SLC25A23: variants seen among roughly 807,000 people sequenced by gnomAD.
The protein encoded by SLC25A23 is mitochondrial adenyl nucleotide antiporter SLC25A23.
In SLC25A23, 32 loss-of-function variants were observed where a neutral mutation model predicts 53.9. That is an observed-to-expected ratio of 0.59 (90% CI 0.45 to 0.80). The LOEUF (loss-of-function observed/expected upper bound fraction) is 0.80, where lower values mean the gene tolerates loss of function less well. SLC25A23 is among the 30% of genes least tolerant of loss of function. The pLI is 0.00. For missense variants in SLC25A23, 575 were observed against 651.4 expected, an observed-to-expected ratio of 0.88 and a Z score of 1.28; for synonymous variants, 275 against 264.5, an observed-to-expected ratio of 1.04 and a Z score of -0.38.
intron 8 of SLC25A23, among the ~76,000 whole-genome samples, chr19:6,451,573 A>T (rs1250648417): frequency 6.6e-6 from 1 of 152,048 alleles, no homozygotes; most frequent in Non-Finnish European, 1.5e-5. Context: ...GGACCATGCT[A>T]ATTGGGGGAG....
In SLC25A23 at chr19:6,444,144, G is replaced by GCCTC; in HGVS notation, c.1222+3_1222+6dup. On this transcript the variant is annotated splice_region_variant and intron_variant, in intron 9 of 9. Coordinates refer to ENST00000301454, the MANE Select transcript of SLC25A23 (RefSeq NM_024103.3). ...CCCCCTGCCCCATCCTCCCGCCCAGGCCTCACCTTGTGCCTGCATGCGGGT... is the reference window on the plus strand; with the variant it reads ...CCCCCTGCCCCATCCTCCCGCCCAGGCCTCCCTCACCTTGTGCCTGCATGCGGGT... 1 of 1,567,164 alleles carries GCCTC rather than the reference G, an allele frequency of 6.4e-7. No individual in the cohort carries two copies. The highest frequency in any genetic ancestry group is 8.7e-7 in the Non-Finnish European group (1 of 1,152,640).
At chr19:6,444,886 C>T (rs1056847991) in intron 8 of SLC25A23, among the ~76,000 whole-genome samples, 3 of 152,112 alleles carry the variant, frequency 2.0e-5, no homozygotes, top group African/African-American at 7.2e-5. Context: ...CCAGGATGGT[C>T]TCAATCTCCT....
chr19:6,449,255 C>CTTTT (rs57753988), intron 8 of SLC25A23, among the ~76,000 whole-genome samples: 4 of 138,208 alleles, frequency 2.9e-5, no homozygotes, highest in Non-Finnish European at 3.2e-5. Context: ...TTCTTTCTTT[C>CTTTT]TTTTTTTTTT....
At chr19:6,455,714 T>TG (rs2092670567) in intron 4 of SLC25A23, among the ~76,000 whole-genome samples, 1 of 36,910 alleles carries the variant, frequency 2.7e-5, no homozygotes, top group Non-Finnish European at 7.0e-5. Flanking sequence ...CGTGTTTTTT[T>TG]TTTTTTTTTT....
Position 6,454,107 on chromosome 19 carries a change from G to T in SLC25A23, c.796-19C>A. The T allele has an allele frequency of 1.2e-6, 2 of 1,605,318 alleles. No homozygotes were observed. Among genetic ancestry groups the T allele is most frequent in the Non-Finnish European group, 1.7e-6 (2 of 1,174,974 alleles). On this transcript the variant is annotated intron_variant, in intron 6 of 9. Transcript: ENST00000301454. The surrounding 1 kb of genome is among the most constrained non-coding windows in gnomAD (Gnocchi z 4.3). ...TCTTGATCTGAGGCGGGGAGACACA[G>T]GGATGGGTAGGACCATGGGGGTTGA...
Position 6,445,598 on chromosome 19 carries a change from G to A in SLC25A23, c.1072-1297C>T, listed in dbSNP as rs79759790. On this transcript the variant is annotated intron_variant, in intron 8 of 9. Coordinates refer to ENST00000301454, the MANE Select transcript of SLC25A23 (RefSeq NM_024103.3). ...TCCTCCTGGAGCATCCAGAAGGAAC[G>A]CAGCCCTGCCAACATCTCGATTTTA... 5.4e-3 allele frequency among the ~76,000 whole-genome samples: 815 copies of A among 152,244 alleles called. 3 individuals are homozygous for A. Among genetic ancestry groups the A allele is most frequent in the Non-Finnish European group, 8.6e-3 (585 of 68,010 alleles).
intron 8 of SLC25A23, among the ~76,000 whole-genome samples, chr19:6,444,662 A>T (rs906082215): frequency 1.3e-5 from 2 of 151,828 alleles, no homozygotes; most frequent in African/African-American, 4.8e-5. Flanking sequence ...TTCTTTTTTT[A>T]AAAATTATTA....
In SLC25A23 at chr19:6,454,189, A is replaced by G. The variant is rs1479540336; in HGVS notation, c.796-101T>C. 3 of 1,513,734 alleles carry G rather than the reference A, an allele frequency of 2.0e-6. No homozygotes were observed. Among genetic ancestry groups the G allele is most frequent in the Non-Finnish European group, 2.7e-6 (3 of 1,115,366 alleles). The allele number at this position is 1,513,734 out of a possible 1,614,324, so 93.8% of individuals were successfully genotyped here. On this transcript the variant is annotated intron_variant, in intron 6 of 9. Coordinates refer to ENST00000301454, the MANE Select transcript of SLC25A23 (RefSeq NM_024103.3). This position sits in a 1 kb window ranked among gnomAD's most constrained non-coding sequence, Gnocchi z 4.3. The stretch of plus-strand genomic sequence containing the variant: ...TCCAAAGAACTGGCTTGCTGCAGGC[A>G]TTCATGCAGAGGAGCAGATGCCTGA...
Position 6,458,276 on chromosome 19 carries a change from C to G in SLC25A23, c.205G>C (p.Glu69Gln). ...TCCTGCAGATAGCGGGAAAATTCCT[C>G]CAGGTCGAGCCCGCCATCTGGGTCA... ...DADPDGGLDLEEFSRYLQERE... is the reference protein window; with the variant it reads ...DADPDGGLDLQEFSRYLQERE... The change falls in exon 2 of 10, where the codon GAG becomes CAG. Residue 69 changes from glutamate (E) to glutamine (Q), a missense_variant. By Grantham distance (29) the Glu-to-Gln change is conservative. Transcript: ENST00000301454. The G allele has an allele frequency of 6.2e-7, 1 of 1,613,502 alleles. No homozygotes were observed. Among genetic ancestry groups the G allele is most frequent in the Non-Finnish European group, 8.5e-7 (1 of 1,179,978 alleles).
At chr19:6,447,457 C>T (rs2092523230) in intron 8 of SLC25A23, among the ~76,000 whole-genome samples, 2 of 151,924 alleles carry the variant, frequency 1.3e-5, no homozygotes, top group African/African-American at 4.8e-5. Context: ...TGTGCACCAC[C>T]ACACCCGGCT....
At position 6,442,032 on chromosome 19, in the gene SLC25A23, G is replaced by A; in HGVS notation, c.1350C>T (p.Ser450=). The A allele has an allele frequency of 1.2e-6, 2 of 1,613,906 alleles. No individual in the cohort carries two copies. Among genetic ancestry groups the A allele is most frequent in the Non-Finnish European group, 1.7e-6 (2 of 1,179,906 alleles). ...PNFMKVIPAV[S]ISYVVYENMK... ...TGTTCTCGTAGACCACATAGGAGAT[G>A]CTCACAGCTGGAATAACCTTCATGA... Residue 450 remains serine (S), a synonymous_variant, in exon 10 of 10, where the codon AGC becomes AGT. Coordinates refer to ENST00000301454, the MANE Select transcript of SLC25A23 (RefSeq NM_024103.3).
chr19:6,442,518 C>A (rs973650361), intron 9 of SLC25A23, among the ~76,000 whole-genome samples: 3 of 152,100 alleles, frequency 2.0e-5, no homozygotes, highest in Non-Finnish European at 4.4e-5. Flanking sequence ...CCTTGGTGCT[C>A]CAGTCTAAGT....
chr19:6,452,699 C>G, intron 7 of SLC25A23: 1 of 493,206 alleles, frequency 2.0e-6, no homozygotes, highest in Non-Finnish European at 3.5e-6. Context: ...CAGTAACTGT[C>G]TCCTGATATC....
In SLC25A23 at chr19:6,459,474, T is replaced by A. The variant is rs749883136; in HGVS notation, c.155A>T (p.Gln52Leu). Residue 52 changes from glutamine (Q) to leucine (L), a missense_variant and splice_region_variant, in exon 1 of 10, where the codon CAG (glutamine) becomes CTG (leucine). By Grantham distance (113) the Gln-to-Leu change is moderately radical (BLOSUM62 -2). Coordinates refer to ENST00000301454, the MANE Select transcript of SLC25A23 (RefSeq NM_024103.3). This position sits in a 1 kb window ranked among gnomAD's most constrained non-coding sequence, Gnocchi z 4.6. ...GGGNPDPGAQ[Q>L]GISSEGDADP... is the part of the protein sequence containing the mutation. ...GGAGGTCCCTGGGGGTGGGGGTACC[T>A]GTTGGGCGCCGGGGTCTGGGTTGCC... 4 of 1,587,272 alleles carry A rather than the reference T, an allele frequency of 2.5e-6. No individual in the cohort carries two copies. The highest frequency in any genetic ancestry group is 3.4e-6 in the Non-Finnish European group (4 of 1,173,780).
chr19:6,458,179 G>T lies in SLC25A23; in HGVS notation c.283+19C>A. On this transcript the variant is annotated intron_variant, in intron 2 of 9. Coordinates refer to ENST00000301454, the MANE Select transcript of SLC25A23 (RefSeq NM_024103.3). ...CAGCCCTATCCCTTGGGGCCTGCAG[G>T]CAGGTCGCCCGACCTTACCATCCTG... 1 of 1,611,994 alleles carries T rather than the reference G, an allele frequency of 6.2e-7. No homozygotes were observed. The highest frequency in any genetic ancestry group is 8.5e-7 in the Non-Finnish European group (1 of 1,179,576).
Position 6,454,755 on chromosome 19 carries a change from G to A in SLC25A23, c.484-38C>T. On this transcript the variant is annotated intron_variant, in intron 4 of 9. Transcript: ENST00000301454. This position sits in a 1 kb window ranked among gnomAD's most constrained non-coding sequence, Gnocchi z 4.3. ...GTGTTGGGGGTGTCATGCCATGGTGGGGACAGGGAGATGTGACTCAGTCCT... is the reference window on the plus strand; with the variant it reads ...GTGTTGGGGGTGTCATGCCATGGTGAGGACAGGGAGATGTGACTCAGTCCT... 5 of 1,607,636 alleles carry A rather than the reference G, an allele frequency of 3.1e-6. No homozygotes were observed. Among genetic ancestry groups the A allele is most frequent in the East Asian group, 2.2e-5 (1 of 44,818 alleles).
chr19:6,458,365 G>A (rs769960008), intron 1 of SLC25A23, 41 bp from the exon 2 acceptor site: 1 of 1,600,784 alleles, frequency 6.2e-7, no homozygotes, highest in Non-Finnish European at 8.5e-7. Context: ...CCAGGAACCT[G>A]CTCCTGATCT....
intron 7 of SLC25A23, 152 bp downstream of exon 7, chr19:6,453,829 C>T: frequency 1.7e-6 from 1 of 587,894 alleles, no homozygotes; most frequent in East Asian, 3.0e-5. Flanking sequence ...AGACAGGCTA[C>T]ACATGAAATT....
downstream of SLC25A23, chr19:6,436,427 G>C (rs1456649070): frequency 4.4e-6 from 2 of 456,032 alleles, no homozygotes; most frequent in Admixed American, 4.7e-5. Context: ...CTTACCACAT[G>C]GTCCTCTCCA....
Sources: gnomAD v4.1 joint callset for allele counts (sites outside exome capture counted in the v4.1 genomes callset) on GRCh38, gnomAD v4.1.1 for gene constraint, Gnocchi (gnomAD v3.1) non-coding constraint, MANE v1.5 for transcripts, NCBI Gene and HGNC (gene_info 2026-07-23, HGNC 2026-07-21) for gene names.